The following NR2E1 variants were observed in gnomAD, a reference collection of about 807,000 sequenced individuals.
The protein encoded by NR2E1 is nuclear receptor TLX.
In NR2E1, 5 loss-of-function variants were observed where a neutral mutation model predicts 43.6. The ratio of observed to expected loss-of-function variants is 0.11; its 90% CI spans 0.06 to 0.24. The LOEUF is 0.24. Among genes scored for constraint, NR2E1 ranks in the 10% least tolerant of loss-of-function variants. The pLI, the probability that NR2E1 is intolerant of heterozygous loss-of-function variation, is 1.00. For missense variants in NR2E1, 287 were observed against 496.7 expected (o/e 0.58, Z 4.01); for synonymous variants, 191 against 195.5 (o/e 0.98, Z 0.19).
chr6:108,171,432 C>T, intron 1 of NR2E1, 26 bp from the exon 2 acceptor site: 1 of 1,613,686 alleles, frequency 6.2e-7, no homozygotes, highest in Non-Finnish European at 8.5e-7. Context: ...CCCTTCCCCC[C>T]TTCCCCGTCT....
At chr6:108,179,544 T>C (rs1245679206) in intron 5 of NR2E1, among the ~76,000 whole-genome samples, 1 of 142,030 alleles carries the variant, frequency 7.0e-6, no homozygotes, top group African/African-American at 2.7e-5. Flanking sequence ...AGACTGGCTA[T>C]TTTTTTTCAA....
At position 108,171,622 on chromosome 6, in the gene NR2E1, C is replaced by G. The variant is rs1486784755; in HGVS notation, c.171+19C>G. The G allele has an allele frequency of 1.2e-6, 2 of 1,613,706 alleles. No homozygotes were observed. Among genetic ancestry groups the G allele is most frequent in the Admixed American group, 3.3e-5 (2 of 60,002 alleles). On this transcript the variant is annotated intron_variant, in intron 2 of 8. Transcript: ENST00000368986. ...AAACCAGGTACCTTAGCCAGGGCTGCACTGCTGGGCTCCGCTCTGCTGCCT... is the reference window on the plus strand; with the variant it reads ...AAACCAGGTACCTTAGCCAGGGCTGGACTGCTGGGCTCCGCTCTGCTGCCT...
chr6:108,180,162 A>C lies in NR2E1; in HGVS notation c.643-161A>C, dbSNP rs1165905990. 6.6e-6 allele frequency among the ~76,000 whole-genome samples: 1 copy of C among 152,260 alleles called. No homozygotes were observed. The highest frequency in any genetic ancestry group is 6.5e-5 in the Admixed American group (1 of 15,292). Reference sequence around the variant, plus strand: ...GCATATCTATAGGCACCTTTTCAAAAGGAAAATATGGGAAAATAAGGGAAA... The same window carrying C: ...GCATATCTATAGGCACCTTTTCAAACGGAAAATATGGGAAAATAAGGGAAA... On this transcript the variant is annotated intron_variant, in intron 5 of 8. Coordinates refer to ENST00000368986, the MANE Select transcript of NR2E1 (RefSeq NM_003269.5). This position sits in a 1 kb window ranked among gnomAD's most constrained non-coding sequence, Gnocchi z 5.4.
rs546269980 is a variant in NR2E1 at position 108,180,699 on chromosome 6, T to C, written c.740-108T>C. On this transcript the variant is annotated intron_variant, in intron 6 of 8. Coordinates refer to ENST00000368986, the MANE Select transcript of NR2E1 (RefSeq NM_003269.5). The surrounding 1 kb of genome is among the most constrained non-coding windows in gnomAD (Gnocchi z 5.4). ...CCGGTTTACATGGAATCAGATATCT[T>C]AGAGTGACAATTGAATAGATATTGA... 310 of 1,053,286 alleles carry C rather than the reference T, an allele frequency of 2.9e-4. 3 individuals carry two copies. In the South Asian group the frequency reaches 3.9e-3, roughly 13 times the overall value. 65.2% of individuals were successfully genotyped at this position (1,053,286 alleles called of 1,614,324 possible). A position where few individuals can be genotyped will look rare whatever the true frequency, so the allele number is the denominator to read the frequency against.
rs765137376 is a variant in NR2E1, at chr6:108,180,795, T to A, written c.740-12T>A. On this transcript the variant is annotated splice_polypyrimidine_tract_variant and intron_variant, in intron 6 of 8. Coordinates refer to ENST00000368986, the MANE Select transcript of NR2E1 (RefSeq NM_003269.5). The surrounding 1 kb of genome is among the most constrained non-coding windows in gnomAD (Gnocchi z 5.4). ...TTCATATTAGAGTATTTATCCCATA[T>A]TTTTATTCTAGGCATGAACGGTGAC... 1.9e-6 allele frequency: 3 copies of A among 1,613,266 alleles called. No individual in the cohort carries two copies. The highest frequency in any genetic ancestry group is 2.5e-6 in the Non-Finnish European group (3 of 1,179,202).
intron 3 of NR2E1, 110 bp from the exon 4 acceptor site, chr6:108,176,393 G>A (rs560114573): frequency 2.9e-6 from 3 of 1,043,048 alleles, no homozygotes; most frequent in East Asian, 2.6e-5. Flanking sequence ...CCTCTTGGGC[G>A]ATTTTGCCCG....
rs1319601112 is a variant in NR2E1, at chr6:108,184,886, CAAAT to C, written c.996-2412_996-2409del. 2.6e-5 allele frequency among the ~76,000 whole-genome samples: 4 copies of C among 152,144 alleles called. No homozygotes were observed. The South Asian group carries it at 6.2e-4, about 24-fold the overall frequency. ...TATTAAATATTAGAATAGTAAATAT[CAAAT>C]AAGTATCTTATTTCTTATTAAATAA... On this transcript the variant is annotated intron_variant, in intron 8 of 8. Transcript: ENST00000368986.
At position 108,166,447 on chromosome 6, in the gene NR2E1, T is replaced by G. The variant is rs1760873616; in HGVS notation, c.-319T>G. On this transcript the variant is annotated 5_prime_UTR_variant, in exon 1 of 9. Transcript: ENST00000368986. This position sits in a 1 kb window ranked among gnomAD's most constrained non-coding sequence, Gnocchi z 7.2. ...CTGTCTTTCAACATCCCTCTCTTGC[T>G]GTTCTTCCTTCTTCCTCAGTCTTCC... is the stretch of plus-strand genomic sequence containing the variant. The G allele has an allele frequency of 2.8e-6, 1 of 353,436 alleles. No individual in the cohort carries two copies. The highest frequency in any genetic ancestry group is 4.9e-5 in the Admixed American group (1 of 20,210). The allele number at this position is 353,436 out of a possible 1,614,324, so 21.9% of individuals were successfully genotyped here. A position where few individuals can be genotyped will look rare whatever the true frequency, so the allele number is the denominator to read the frequency against.
At chr6:108,185,546 G>C (rs903415454) in intron 8 of NR2E1, among the ~76,000 whole-genome samples, 9 of 152,088 alleles carry the variant, frequency 5.9e-5, no homozygotes, top group Admixed American at 5.2e-4. Context: ...GAGTATCTGG[G>C]ACTACAGGTG....
Position 108,180,225 on chromosome 6 carries a change from TA to T in NR2E1, c.643-94del, listed in dbSNP as rs549698701. The stretch of plus-strand genomic sequence containing the variant: ...AGAAAAAATTACCAAGACAGGCATT[TA>T]AAACACTTTTTAAAATAATGGAAAT... On this transcript the variant is annotated intron_variant, in intron 5 of 8. Coordinates refer to ENST00000368986, the MANE Select transcript of NR2E1 (RefSeq NM_003269.5). This position sits in a 1 kb window ranked among gnomAD's most constrained non-coding sequence, Gnocchi z 5.4. The T allele has an allele frequency of 1.2e-6, 1 of 844,738 alleles. No homozygotes were observed. Among genetic ancestry groups the T allele is most frequent in the Non-Finnish European group, 1.9e-6 (1 of 516,412 alleles). The allele number at this position is 844,738 out of a possible 1,614,324, so 52.3% of individuals were successfully genotyped here.
At position 108,181,556 on chromosome 6, in the gene NR2E1, T is replaced by C. The variant is rs1488321210; in HGVS notation, c.900T>C (p.His300=). 5.6e-6 allele frequency: 9 copies of C among 1,613,354 alleles called. No homozygotes were observed. The highest frequency in any genetic ancestry group is 2.2e-5 in the East Asian group (1 of 44,890). Residue 300 remains histidine, a synonymous_variant, in exon 8 of 9, where the codon CAT becomes CAC. Transcript: ENST00000368986. ...GGTCTTCATTTCTAGTTCCTACACA[T>C]AGTGGTTCTGAACTGAGAAGTTTCC... ...CIVTFKAVPT[H]SGSELRSFRN...
chr6:108,167,580 C>A (rs1343818264), intron 1 of NR2E1, among the ~76,000 whole-genome samples: 2 of 152,078 alleles, frequency 1.3e-5, no homozygotes, highest in Non-Finnish European at 2.9e-5. Flanking sequence ...CCTGCGGAAC[C>A]CAAGAATGTG....
rs1773960359 is a variant in NR2E1 at position 108,180,070 on chromosome 6, G to A, written c.643-253G>A. Among the ~76,000 whole-genome samples the A allele has an allele frequency of 2.0e-5, 3 of 152,142 alleles. No homozygotes were observed. On this transcript the variant is annotated intron_variant, in intron 5 of 8. Transcript: ENST00000368986. The surrounding 1 kb of genome is among the most constrained non-coding windows in gnomAD (Gnocchi z 5.4). Reference sequence around the variant, plus strand: ...GGAATGGGTGGATACAAGGACAAGAGGGGCAAATCCTTTTCTGAGAGAAGG... The same window carrying A: ...GGAATGGGTGGATACAAGGACAAGAAGGGCAAATCCTTTTCTGAGAGAAGG...
At chr6:108,182,985 G>A (rs950332743) in intron 8 of NR2E1, among the ~76,000 whole-genome samples, 1 of 152,192 alleles carries the variant, frequency 6.6e-6, no homozygotes, top group Non-Finnish European at 1.5e-5. Context: ...ACAGGCCTGG[G>A]CCACTGTGCC....
chr6:108,175,508 G>A (rs1773881188), intron 3 of NR2E1, among the ~76,000 whole-genome samples: 1 of 152,244 alleles, frequency 6.6e-6, no homozygotes, highest in Non-Finnish European at 1.5e-5. Flanking sequence ...GAGAGGCAGG[G>A]TAACGCCCGT....
chr6:108,175,545 A>G (rs1173583774), intron 3 of NR2E1, among the ~76,000 whole-genome samples: 1 of 152,228 alleles, frequency 6.6e-6, no homozygotes, highest in African/African-American at 2.4e-5. Flanking sequence ...CAGCTCTCCC[A>G]AGGCTCTTAA....
intron 3 of NR2E1, chr6:108,176,267 G>A (rs981871396): frequency 6.8e-6 from 4 of 588,878 alleles, no homozygotes; most frequent in African/African-American, 3.7e-5. Flanking sequence ...CATTATCGTG[G>A]CACTTTGAGC....
At chr6:108,184,932 C>G (rs919714394) in intron 8 of NR2E1, among the ~76,000 whole-genome samples, 3 of 152,090 alleles carry the variant, frequency 2.0e-5, no homozygotes, top group Non-Finnish European at 4.4e-5. Context: ...TATGGAATTT[C>G]TTATTTCATG....
At chr6:108,183,552 G>T (rs566029555) in intron 8 of NR2E1, among the ~76,000 whole-genome samples, 8 of 152,222 alleles carry the variant, frequency 5.3e-5, no homozygotes, top group African/African-American at 1.9e-4. Context: ...TAGACACTGT[G>T]GGGGGAATAA....
Sources: gnomAD v4.1 joint callset for allele counts (sites outside exome capture counted in the v4.1 genomes callset) on GRCh38, gnomAD v4.1.1 for gene constraint, Gnocchi (gnomAD v3.1) non-coding constraint, MANE v1.5 for transcripts, NCBI Gene and HGNC (gene_info 2026-07-23, HGNC 2026-07-21) for gene names.